Variants in KCNH7 observed in about 807,000 individuals in gnomAD.
KCNH7 encodes the protein voltage-gated inwardly rectifying potassium channel KCNH7.
In KCNH7, 49 loss-of-function variants were observed where a neutral mutation model predicts 120.8. That is an observed-to-expected ratio of 0.41 (90% CI 0.32 to 0.51). The LOEUF (loss-of-function observed/expected upper bound fraction) is 0.51. KCNH7 is among the 20% of genes least tolerant of loss of function. KCNH7 has a pLI of 0.38. For synonymous variants in KCNH7, 547 were observed against 516.1 expected, an observed-to-expected ratio of 1.06 and a Z score of -0.81; for missense variants, 1,097 against 1,446.6, an observed-to-expected ratio of 0.76 and a Z score of 3.92.
Position 162,435,486 on chromosome 2 carries a change from T to C in KCNH7, c.1666A>G (p.Met556Val). ...EYGAAVLMLLMCIFALIAHWL... is the reference protein window; with the variant it reads ...EYGAAVLMLLVCIFALIAHWL... ...TGAGCAATCAGGGCAAAGATGCACA[T>C]TAAGAGCATTAGAACAGCAGCGCCA... The change falls in exon 8 of 16, where the codon ATG (methionine) becomes GTG (valine). Residue 556 changes from methionine to valine, a missense_variant. By Grantham distance (21) the Met-to-Val change is conservative. This residue lies in a region of KCNH7 where 109 missense variants were observed against 196.8 expected (regional missense o/e 0.55). Coordinates refer to ENST00000332142, the MANE Select transcript of KCNH7 (RefSeq NM_033272.4). 6.2e-7 allele frequency: 1 copy of C among 1,613,740 alleles called. No individual in the cohort carries two copies. The highest frequency in any genetic ancestry group is 8.5e-7 in the Non-Finnish European group (1 of 1,179,836).
intron 8 of KCNH7, among the ~76,000 whole-genome samples, chr2:162,425,277 A>G (rs1687822925): frequency 6.6e-6 from 1 of 152,004 alleles, no homozygotes; most frequent in Non-Finnish European, 1.5e-5. Flanking sequence ...CTTTATCTAT[A>G]TTCAAACATA....
chr2:162,381,774 C>G (rs754204569), intron 13 of KCNH7, among the ~76,000 whole-genome samples: 3 of 151,930 alleles, frequency 2.0e-5, no homozygotes, highest in Non-Finnish European at 2.9e-5. Context: ...TATAAGTGAA[C>G]CTAAAAAGAT....
chr2:162,534,961 C>G (rs893737702), intron 3 of KCNH7, among the ~76,000 whole-genome samples: 9 of 151,688 alleles, frequency 5.9e-5, no homozygotes, highest in Non-Finnish European at 1.5e-5. Context: ...TTAATAACTT[C>G]ATTTATAAAA....
intron 2 of KCNH7, among the ~76,000 whole-genome samples, chr2:162,543,101 A>C (rs114578830): frequency 1.2e-4 from 18 of 152,224 alleles, no homozygotes; most frequent in South Asian, 6.2e-4. Flanking sequence ...TACCAGTCAC[A>C]TGGTTAAGAC....
chr2:162,764,953 A>G (rs749691108), intron 2 of KCNH7, among the ~76,000 whole-genome samples: 1 of 152,204 alleles, frequency 6.6e-6, no homozygotes. Flanking sequence ...TTAGACATAT[A>G]TAGCCATATA....
intron 2 of KCNH7, among the ~76,000 whole-genome samples, chr2:162,739,032 G>A (rs937065049): frequency 5.9e-5 from 9 of 152,064 alleles, no homozygotes; most frequent in East Asian, 1.9e-4. Flanking sequence ...CAACCTGTGC[G>A]GGAGCTCAAC....
chr2:162,473,060 G>A (rs558518208), intron 6 of KCNH7, among the ~76,000 whole-genome samples: 91 of 152,002 alleles, frequency 6.0e-4, no homozygotes, highest in African/African-American at 1.8e-3. Context: ...ACCACACACC[G>A]GGGCCTGTTG....
At chr2:162,577,605 C>T (rs1693732111) in intron 2 of KCNH7, among the ~76,000 whole-genome samples, 1 of 151,904 alleles carries the variant, frequency 6.6e-6, no homozygotes, top group Non-Finnish European at 1.5e-5. Context: ...CAACTTTAGC[C>T]AAGGCACATA....
At chr2:162,621,352 C>G (rs572112700) in intron 2 of KCNH7, among the ~76,000 whole-genome samples, 4 of 139,678 alleles carry the variant, frequency 2.9e-5, no homozygotes, top group Non-Finnish European at 6.0e-5. Context: ...AAATGAGGAG[C>G]CACAACACAA....
At chr2:162,527,565 A>G (rs905819726) in intron 3 of KCNH7, among the ~76,000 whole-genome samples, 1 of 151,986 alleles carries the variant, frequency 6.6e-6, no homozygotes, top group East Asian at 1.9e-4. Context: ...TATCTAGAGT[A>G]TTGAGTCCAA....
chr2:162,831,352 A>T (rs1485087713), intron 2 of KCNH7, among the ~76,000 whole-genome samples: 8 of 152,170 alleles, frequency 5.3e-5, no homozygotes, highest in Admixed American at 5.2e-4. Context: ...GAGAAACTAG[A>T]TACTTGAATA....
chr2:162,602,021 G>A (rs1694575142), intron 2 of KCNH7, among the ~76,000 whole-genome samples: 1 of 152,068 alleles, frequency 6.6e-6, no homozygotes, highest in African/African-American at 2.4e-5. Context: ...TGTCCTTTTG[G>A]ATATTAGGGT....
At chr2:162,378,837 T>C (rs1009442102) in intron 14 of KCNH7, among the ~76,000 whole-genome samples, 1 of 152,186 alleles carries the variant, frequency 6.6e-6, no homozygotes, top group African/African-American at 2.4e-5. Context: ...TGAGGTCAGG[T>C]ATACTATACC....
At chr2:162,710,296 A>C (rs1329399752) in intron 2 of KCNH7, among the ~76,000 whole-genome samples, 1 of 152,198 alleles carries the variant, frequency 6.6e-6, no homozygotes, top group Non-Finnish European at 1.5e-5. Flanking sequence ...AACAATGCTA[A>C]GCTGTAAACT....
intron 2 of KCNH7, among the ~76,000 whole-genome samples, chr2:162,733,048 C>G (rs1000244920): frequency 6.6e-5 from 10 of 152,094 alleles, no homozygotes; most frequent in African/African-American, 2.4e-4. Flanking sequence ...CCTTTCAGAC[C>G]TGATATAAAT....
chr2:162,609,102 C>A (rs1439928117), intron 2 of KCNH7, among the ~76,000 whole-genome samples: 1 of 152,164 alleles, frequency 6.6e-6, no homozygotes, highest in Non-Finnish European at 1.5e-5. Flanking sequence ...TTTGCTGAGA[C>A]ATCACATTTT....
chr2:162,573,651 G>A (rs1035892743), intron 2 of KCNH7, among the ~76,000 whole-genome samples: 2 of 151,872 alleles, frequency 1.3e-5, no homozygotes, highest in African/African-American at 2.4e-5. Context: ...CCTTTTTTGT[G>A]TGTGTGTTTA....
At chr2:162,776,732 G>C (rs1683255948) in intron 2 of KCNH7, among the ~76,000 whole-genome samples, 2 of 152,018 alleles carry the variant, frequency 1.3e-5, no homozygotes, top group Non-Finnish European at 2.9e-5. Flanking sequence ...AAGGCAATGG[G>C]ATTTTCTCTC....
At chr2:162,699,624 A>G (rs1415833125) in intron 2 of KCNH7, among the ~76,000 whole-genome samples, 2 of 152,134 alleles carry the variant, frequency 1.3e-5, no homozygotes, top group African/African-American at 4.8e-5. Context: ...ATTTTTACAA[A>G]TTTGTTACCT....
Sources: gnomAD v4.1 joint callset for allele counts (sites outside exome capture counted in the v4.1 genomes callset) on GRCh38, gnomAD v4.1.1 for gene constraint, gnomAD v4.1.1 regional missense constraint, MANE v1.5 for transcripts, NCBI Gene and HGNC (gene_info 2026-07-23, HGNC 2026-07-21) for gene names.